Variants in AGBL4 observed in about 807,000 individuals in gnomAD.
AGBL4 encodes AGBL carboxypeptidase 4.
In AGBL4, 58 loss-of-function variants were observed where a neutral mutation model predicts 66.4. The observed-to-expected ratio is 0.87, with a 90% CI of 0.71 to 1.09. The LOEUF (loss-of-function observed/expected upper bound fraction) is 1.09, where lower values mean the gene tolerates loss of function less well. AGBL4 is among the 50% of genes least tolerant of loss of function. The pLI, the probability that AGBL4 is intolerant of heterozygous loss-of-function variation, is 0.00. For missense variants in AGBL4, 579 were observed against 631.0 expected, an observed-to-expected ratio of 0.92 and a Z score of 0.88; for synonymous variants, 234 against 222.9, an observed-to-expected ratio of 1.05 and a Z score of -0.44.
At chr1:49,514,837 T>G (rs371653436) in intron 3 of AGBL4, among the ~76,000 whole-genome samples, 1 of 152,070 alleles carries the variant, frequency 6.6e-6, no homozygotes, top group East Asian at 1.9e-4. Context: ...TAGCCATATG[T>G]AGAAAGCTGA....
intron 1 of AGBL4, among the ~76,000 whole-genome samples, chr1:49,939,763 G>T (rs1028603382): frequency 6.6e-6 from 1 of 152,098 alleles, no homozygotes. Context: ...AGAAAACCTA[G>T]GCATTACCAT....
chr1:49,496,950 G>A (rs111697409), intron 3 of AGBL4, among the ~76,000 whole-genome samples: 2,326 of 151,978 alleles, frequency 0.015, 67 homozygotes, highest in African/African-American at 0.054. Context: ...CATTCTTACT[G>A]TTTTCAATAA....
chr1:48,858,215 T>C (rs1046099495), intron 6 of AGBL4, among the ~76,000 whole-genome samples: 2 of 152,190 alleles, frequency 1.3e-5, no homozygotes, highest in Non-Finnish European at 2.9e-5. Context: ...ACTGGAACTG[T>C]CCTCCACTGA....
At chr1:49,088,941 A>T (rs1329908683) in intron 4 of AGBL4, among the ~76,000 whole-genome samples, 1 of 152,038 alleles carries the variant, frequency 6.6e-6, no homozygotes, top group East Asian at 1.9e-4. Context: ...AATCAATACT[A>T]AAAAAGTTTC....
chr1:48,557,936 GA>G (rs1162778379), intron 11 of AGBL4, among the ~76,000 whole-genome samples: 1 of 18,534 alleles, frequency 5.4e-5, no homozygotes, highest in Non-Finnish European at 2.2e-4. Flanking sequence ...TTTGAGAACA[GA>G]GACTACCTCT....
At chr1:49,652,411 C>G (rs1341046333) in intron 3 of AGBL4, among the ~76,000 whole-genome samples, 3 of 152,100 alleles carry the variant, frequency 2.0e-5, no homozygotes, top group Non-Finnish European at 4.4e-5. Flanking sequence ...TCCTTGCAAC[C>G]CACAAATAAG....
chr1:50,007,144 T>C (rs1460002235), intron 1 of AGBL4, among the ~76,000 whole-genome samples: 2 of 152,202 alleles, frequency 1.3e-5, no homozygotes, highest in Non-Finnish European at 2.9e-5. Flanking sequence ...CAGTGTTAAG[T>C]TGTCATTAGT....
intron 6 of AGBL4, among the ~76,000 whole-genome samples, chr1:48,821,845 T>C (rs1646321409): frequency 6.6e-6 from 1 of 152,164 alleles, no homozygotes; most frequent in Non-Finnish European, 1.5e-5. Flanking sequence ...ATCCAAAATA[T>C]ATTAAGAACT....
intron 1 of AGBL4, among the ~76,000 whole-genome samples, chr1:49,991,739 A>G (rs1659957632): frequency 6.6e-6 from 1 of 152,178 alleles, no homozygotes; most frequent in Non-Finnish European, 1.5e-5. Context: ...TCTGTCAATG[A>G]ATCCCCAAGT....
intron 1 of AGBL4, among the ~76,000 whole-genome samples, chr1:49,990,761 A>G (rs1287716019): frequency 6.6e-6 from 1 of 152,182 alleles, no homozygotes; most frequent in Non-Finnish European, 1.5e-5. Context: ...CCTCACTATA[A>G]AACTGATGAT....
chr1:49,126,543 A>G (rs1645768028), intron 4 of AGBL4, among the ~76,000 whole-genome samples: 1 of 152,278 alleles, frequency 6.6e-6, no homozygotes, highest in South Asian at 2.1e-4. Flanking sequence ...TCACCCAAAG[A>G]ACTATTATAA....
chr1:49,136,049 G>A (rs1001889755), intron 4 of AGBL4, among the ~76,000 whole-genome samples: 9 of 152,014 alleles, frequency 5.9e-5, no homozygotes, highest in Non-Finnish European at 1.0e-4. Context: ...TAAATTAACA[G>A]TAATTGTGAA....
At chr1:49,555,781 C>G (rs1288319248) in intron 3 of AGBL4, among the ~76,000 whole-genome samples, 4 of 151,712 alleles carry the variant, frequency 2.6e-5, no homozygotes, top group Non-Finnish European at 5.9e-5. Flanking sequence ...TGAAAAAATG[C>G]TCATCATCAC....
chr1:48,625,598 A>G (rs1411773879), intron 9 of AGBL4, among the ~76,000 whole-genome samples: 2 of 152,188 alleles, frequency 1.3e-5, no homozygotes, highest in African/African-American at 2.4e-5. Flanking sequence ...ATCCTAACAG[A>G]AATTCCAGGA....
intron 3 of AGBL4, among the ~76,000 whole-genome samples, chr1:49,454,526 TGTTCTTCCATG>T (rs776612285): frequency 2.3e-4 from 35 of 151,808 alleles, no homozygotes; most frequent in Non-Finnish European, 4.6e-4. Flanking sequence ...TTTGAGATTC[TGTTCTTCCATG>T]GTAGAAGTTT....
chr1:49,727,593 A>G (rs1210346233), intron 2 of AGBL4, among the ~76,000 whole-genome samples: 1 of 152,178 alleles, frequency 6.6e-6, no homozygotes, highest in Non-Finnish European at 1.5e-5. Flanking sequence ...AAAGGGAAAA[A>G]TAATGCAGCT....
intron 6 of AGBL4, among the ~76,000 whole-genome samples, chr1:48,767,370 C>A (rs1476782954): frequency 6.6e-6 from 1 of 152,144 alleles, no homozygotes; most frequent in Non-Finnish European, 1.5e-5. Flanking sequence ...TGTGTATTAC[C>A]TGTTTGCCTT....
intron 5 of AGBL4, among the ~76,000 whole-genome samples, chr1:48,965,252 C>T (rs967968574): frequency 1.6e-4 from 25 of 152,064 alleles, no homozygotes; most frequent in Non-Finnish European, 3.7e-4. Context: ...AAAAGTCAGA[C>T]ATTATGGGGC....
intron 4 of AGBL4, among the ~76,000 whole-genome samples, chr1:49,051,557 TATGCCAACAC>T (rs1202504329): frequency 1.3e-5 from 2 of 152,310 alleles, no homozygotes; most frequent in East Asian, 3.9e-4. Flanking sequence ...ATTTGTCATC[TATGCCAACAC>T]ATGGCCTTTA....
Sources: gnomAD v4.1 joint callset for allele counts (sites outside exome capture counted in the v4.1 genomes callset) on GRCh38, gnomAD v4.1.1 for gene constraint, MANE v1.5 for transcripts, NCBI Gene and HGNC (gene_info 2026-07-23, HGNC 2026-07-21) for gene names.